The following SLIT3 variants were observed in gnomAD, a reference collection of about 807,000 sequenced individuals.
SLIT3 encodes the protein slit homolog 3 protein.
In SLIT3, 68 loss-of-function variants were observed where a neutral mutation model predicts 184.0. That is an observed-to-expected ratio of 0.37 (90% CI 0.30 to 0.45). The LOEUF (loss-of-function observed/expected upper bound fraction) is 0.45, where lower values mean the gene tolerates loss of function less well. Among genes scored for constraint, SLIT3 ranks in the 20% least tolerant of loss-of-function variants. The probability of loss-of-function intolerance (pLI) is 1.00; values close to 1 mark genes in which losing one functional copy is unlikely to be tolerated. For synonymous variants in SLIT3, 831 were observed against 828.6 expected (o/e 1.00, Z -0.05); for missense variants, 1,707 against 2,026.0 (o/e 0.84, Z 3.02).
intron 25 of SLIT3, 182 bp from the exon 26 acceptor site, chr5:168,708,282 C>T: frequency 1.4e-6 from 1 of 707,216 alleles, no homozygotes; most frequent in South Asian, 1.9e-5. Flanking sequence ...ATTAATTCAG[C>T]CACTGTCCAG....
chr5:169,275,653 G>A (rs1766778042), intron 1 of SLIT3, among the ~76,000 whole-genome samples: 2 of 152,274 alleles, frequency 1.3e-5, no homozygotes, highest in East Asian at 3.9e-4. Flanking sequence ...AATGAATGAG[G>A]ATGCAAGAGT....
chr5:169,280,990 C>G (rs1167267779), intron 1 of SLIT3, among the ~76,000 whole-genome samples: 1 of 152,000 alleles, frequency 6.6e-6, no homozygotes, highest in East Asian at 1.9e-4. Flanking sequence ...AACATAATGT[C>G]AAATGGCAGC....
intron 4 of SLIT3, among the ~76,000 whole-genome samples, chr5:168,982,153 T>C (rs116137793): frequency 0.012 from 1,859 of 152,342 alleles, 38 homozygotes; most frequent in African/African-American, 0.043. Context: ...AATAATTAAA[T>C]ATTTGTGCTT....
intron 5 of SLIT3, among the ~76,000 whole-genome samples, chr5:168,879,468 G>A (rs915092833): frequency 1.3e-5 from 2 of 152,124 alleles, no homozygotes; most frequent in African/African-American, 2.4e-5. Flanking sequence ...TCCATGTGCC[G>A]ATGCATATTT....
At chr5:168,680,452 T>C (rs1761552262) in intron 32 of SLIT3, among the ~76,000 whole-genome samples, 1 of 152,252 alleles carries the variant, frequency 6.6e-6, no homozygotes, top group Non-Finnish European at 1.5e-5. Context: ...AGGTCCCTGC[T>C]GGGAACCCAG....
chr5:169,067,786 C>T (rs1034130788), intron 4 of SLIT3, among the ~76,000 whole-genome samples: 6 of 152,196 alleles, frequency 3.9e-5, no homozygotes, highest in Non-Finnish European at 8.8e-5. Context: ...TCCCTTGTGC[C>T]TTCCTATGTC....
At chr5:168,699,471 G>T (rs1277789451) in intron 27 of SLIT3, among the ~76,000 whole-genome samples, 8 of 152,220 alleles carry the variant, frequency 5.3e-5, no homozygotes, top group Non-Finnish European at 1.2e-4. Flanking sequence ...GTCTGCTTTG[G>T]TCAGAGCCAC....
intron 15 of SLIT3, 70 bp downstream of exon 15, chr5:168,762,469 C>A: frequency 6.4e-7 from 1 of 1,554,150 alleles, no homozygotes; most frequent in Non-Finnish European, 8.8e-7. Flanking sequence ...CCAGGAGACC[C>A]TGCCCACGCT....
intron 4 of SLIT3, among the ~76,000 whole-genome samples, chr5:168,997,775 C>A (rs946954670): frequency 6.6e-6 from 1 of 152,120 alleles, no homozygotes; most frequent in African/African-American, 2.4e-5. Context: ...CATTTCCAAC[C>A]AGCCTATGAC....
At chr5:169,083,173 TG>T (rs1317147358) in intron 4 of SLIT3, among the ~76,000 whole-genome samples, 1 of 152,230 alleles carries the variant, frequency 6.6e-6, no homozygotes, top group Non-Finnish European at 1.5e-5. Context: ...CTAATTTCAT[TG>T]TTGACTCTAT....
At chr5:169,264,282 C>T (rs1259300930) in intron 1 of SLIT3, among the ~76,000 whole-genome samples, 1 of 152,154 alleles carries the variant, frequency 6.6e-6, no homozygotes, top group Non-Finnish European at 1.5e-5. Flanking sequence ...CAACCTCCAC[C>T]TCCTGGGTTC....
rs972031899 is a variant in SLIT3 at position 168,862,659 on chromosome 5, TTTTG to T, written c.486-18008_486-18005del. Among the ~76,000 whole-genome samples, 46 of 149,600 alleles carry T rather than the reference TTTTG, an allele frequency of 3.1e-4. No individual in the cohort carries two copies. In the East Asian group the frequency reaches 3.9e-3, roughly 13 times the overall value. The stretch of plus-strand genomic sequence containing the variant: ...AGATCACTCAATAGAACATTGGTTT[TTTTG>T]TTTGTTTGTTTGTTGTTTTTTTTTT... On this transcript the variant is annotated intron_variant, in intron 5 of 35. Transcript: ENST00000519560.
At chr5:169,213,120 G>C (rs956861701) in intron 3 of SLIT3, among the ~76,000 whole-genome samples, 4 of 151,952 alleles carry the variant, frequency 2.6e-5, no homozygotes, top group African/African-American at 9.7e-5. Context: ...AAAGTCTCAG[G>C]ATACAAAATC....
chr5:169,098,582 C>T (rs913646158), intron 4 of SLIT3, among the ~76,000 whole-genome samples: 6 of 152,232 alleles, frequency 3.9e-5, no homozygotes, highest in Admixed American at 2.6e-4. Context: ...ACAGATGTCC[C>T]GTACAGTTTA....
chr5:168,761,969 C>T (rs1755168480), intron 15 of SLIT3, among the ~76,000 whole-genome samples: 1 of 142,164 alleles, frequency 7.0e-6, no homozygotes, highest in African/African-American at 2.6e-5. Context: ...TGGGGTCTCA[C>T]TATGTTGCCC....
At chr5:169,217,148 A>C (rs1304634888) in intron 3 of SLIT3, among the ~76,000 whole-genome samples, 2 of 152,008 alleles carry the variant, frequency 1.3e-5, no homozygotes, top group African/African-American at 2.4e-5. Flanking sequence ...AAAAAAAAAA[A>C]AAAACTTAGA....
chr5:168,867,310 G>A (rs771840962), intron 5 of SLIT3, among the ~76,000 whole-genome samples: 2 of 152,196 alleles, frequency 1.3e-5, no homozygotes, highest in Non-Finnish European at 2.9e-5. Flanking sequence ...CTTATGAGTC[G>A]TTGACTCTAC....
At chr5:168,965,657 T>G (rs1041796325) in intron 4 of SLIT3, among the ~76,000 whole-genome samples, 10 of 152,222 alleles carry the variant, frequency 6.6e-5, no homozygotes, top group Non-Finnish European at 7.3e-5. Flanking sequence ...AAACTGCTAT[T>G]ATGCACCTAC....
intron 4 of SLIT3, among the ~76,000 whole-genome samples, chr5:168,916,705 A>G (rs2113105449): frequency 6.6e-6 from 1 of 152,374 alleles, no homozygotes; most frequent in Admixed American, 6.5e-5. Flanking sequence ...AACACTATCA[A>G]TTCCATTGAT....
Sources: gnomAD v4.1 joint callset for allele counts (sites outside exome capture counted in the v4.1 genomes callset) on GRCh38, gnomAD v4.1.1 for gene constraint, MANE v1.5 for transcripts, NCBI Gene and HGNC (gene_info 2026-07-23, HGNC 2026-07-21) for gene names.